Variants in NEDD4L observed in about 807,000 individuals in gnomAD.
NEDD4L encodes E3 ubiquitin-protein ligase NEDD4-like.
Under a neutral mutation model 148.9 loss-of-function variants are expected in NEDD4L, and 54 were observed. The observed-to-expected ratio is 0.36, with a 90% CI of 0.29 to 0.45. The LOEUF (loss-of-function observed/expected upper bound fraction) is 0.45. Ranked by LOEUF, NEDD4L falls within the 20% of genes least tolerant of loss-of-function variation. The probability of loss-of-function intolerance (pLI) is 1.00; values close to 1 mark genes in which losing one functional copy is unlikely to be tolerated. For missense variants in NEDD4L, 856 were observed against 1,233.8 expected (o/e 0.69, Z 4.59); for synonymous variants, 433 against 440.7 (o/e 0.98, Z 0.22).
intron 5 of NEDD4L, among the ~76,000 whole-genome samples, chr18:58,260,026 A>AAT (rs1223965680): frequency 2.0e-5 from 3 of 152,172 alleles, no homozygotes; most frequent in African/African-American, 7.2e-5. Flanking sequence ...AAATAACTCG[A>AAT]GTATCCAATG....
At chr18:58,240,342 C>T (rs573532681) in intron 2 of NEDD4L, among the ~76,000 whole-genome samples, 9 of 152,240 alleles carry the variant, frequency 5.9e-5, no homozygotes, top group South Asian at 2.1e-4. Flanking sequence ...CCAACCTTGA[C>T]GTGGATTTGG....
At chr18:58,358,457 C>G (rs1321409509) in intron 19 of NEDD4L, among the ~76,000 whole-genome samples, 1 of 152,118 alleles carries the variant, frequency 6.6e-6, no homozygotes, top group Non-Finnish European at 1.5e-5. Flanking sequence ...ATTCAAGAAA[C>G]TATTCTTTTT....
At chr18:58,072,436 C>T (rs1004066637) in intron 1 of NEDD4L, among the ~76,000 whole-genome samples, 6 of 152,146 alleles carry the variant, frequency 3.9e-5, no homozygotes, top group African/African-American at 1.4e-4. Context: ...CATACCAAAA[C>T]CACTCAATGT....
intron 5 of NEDD4L, among the ~76,000 whole-genome samples, chr18:58,303,813 C>G (rs2056767849): frequency 1.3e-5 from 2 of 152,220 alleles, no homozygotes; most frequent in Admixed American, 6.5e-5. Flanking sequence ...GGAAGAGATT[C>G]TGGTTGAAAT....
chr18:58,317,391 G>A (rs575134531), intron 6 of NEDD4L, among the ~76,000 whole-genome samples: 7 of 152,270 alleles, frequency 4.6e-5, no homozygotes, highest in South Asian at 2.1e-4. Flanking sequence ...CTGAAGCTGC[G>A]ATCCTCTCAC....
chr18:58,101,132 T>C (rs73440852), intron 1 of NEDD4L, among the ~76,000 whole-genome samples: 14,237 of 152,214 alleles, frequency 0.094, 720 homozygotes, highest in Non-Finnish European at 0.11. Flanking sequence ...GATTATGGGT[T>C]ATGGAAGTTT....
chr18:58,135,190 C>A (rs2032699090), intron 1 of NEDD4L, among the ~76,000 whole-genome samples: 2 of 151,866 alleles, frequency 1.3e-5, no homozygotes, highest in South Asian at 4.2e-4. Context: ...TGAAACAGTA[C>A]ACGATGAATG....
chr18:58,133,358 A>G (rs4941336), intron 1 of NEDD4L, among the ~76,000 whole-genome samples: 46,977 of 152,104 alleles, frequency 0.31, 7,559 homozygotes, highest in Non-Finnish European at 0.36. Context: ...TAGCCCCACA[A>G]TGAATCTTGC....
At chr18:58,103,017 A>G (rs866122011) in intron 1 of NEDD4L, among the ~76,000 whole-genome samples, 1 of 151,944 alleles carries the variant, frequency 6.6e-6, no homozygotes, top group Non-Finnish European at 1.5e-5. Flanking sequence ...CTGGCTTATT[A>G]TCTGTGCTGG....
At position 58,256,235 on chromosome 18, in the gene NEDD4L, G is replaced by A. The variant is rs1446959550; in HGVS notation, c.297+4181G>A. ...GCGCATCCAGCACCGCGCCTCCAGCGCCGACGTGCGCCAGGTGAGGCTGCT... is the reference window on the plus strand; with the variant it reads ...GCGCATCCAGCACCGCGCCTCCAGCACCGACGTGCGCCAGGTGAGGCTGCT... On this transcript the variant is annotated intron_variant, in intron 5 of 30. Transcript: ENST00000400345. This position sits in a 1 kb window ranked among gnomAD's most constrained non-coding sequence, Gnocchi z 5.2. The A allele has an allele frequency of 1.3e-4, 159 of 1,228,190 alleles. No homozygotes were observed. The highest frequency in any genetic ancestry group is 1.2e-3 in the Middle Eastern group (4 of 3,210). 76.1% of individuals were successfully genotyped at this position (1,228,190 alleles called of 1,614,324 possible). A position where few individuals can be genotyped will look rare whatever the true frequency, so the allele number is the denominator to read the frequency against.
At chr18:58,255,483 G>A in intron 5 of NEDD4L, 1 of 1,229,388 alleles carries the variant, frequency 8.1e-7, no homozygotes, top group Non-Finnish European at 1.0e-6. Flanking sequence ...CTTGCCACTT[G>A]GGTTATTTCT....
At chr18:58,240,210 G>A (rs1332602606) in intron 2 of NEDD4L, among the ~76,000 whole-genome samples, 2 of 151,866 alleles carry the variant, frequency 1.3e-5, no homozygotes, top group African/African-American at 4.8e-5. Flanking sequence ...ATGTGACAGT[G>A]AGGTGTCTTA....
chr18:58,121,125 A>G (rs564695245), intron 1 of NEDD4L, among the ~76,000 whole-genome samples: 1 of 152,186 alleles, frequency 6.6e-6, no homozygotes, highest in South Asian at 2.1e-4. Context: ...GGGAGAACAG[A>G]GTGTAGAATG....
intron 2 of NEDD4L, among the ~76,000 whole-genome samples, chr18:58,182,324 C>G (rs999234757): frequency 2.6e-5 from 4 of 151,806 alleles, no homozygotes; most frequent in Non-Finnish European, 4.4e-5. Context: ...TTACAAATAC[C>G]AACAAAAACC....
chr18:58,188,564 A>G (rs947482825), intron 2 of NEDD4L, among the ~76,000 whole-genome samples: 6 of 152,236 alleles, frequency 3.9e-5, no homozygotes, highest in African/African-American at 1.4e-4. Flanking sequence ...CCTGTATTCC[A>G]GTGTGCCGTG....
intron 1 of NEDD4L, among the ~76,000 whole-genome samples, chr18:58,120,641 G>A (rs1338588344): frequency 3.3e-5 from 5 of 152,264 alleles, no homozygotes; most frequent in Middle Eastern, 3.4e-3. Flanking sequence ...TTAGCCAGGC[G>A]TGGTGGCGGG....
At chr18:58,165,618 G>A in intron 1 of NEDD4L, 170 bp from the exon 2 acceptor site, 1 of 1,494,242 alleles carries the variant, frequency 6.7e-7, no homozygotes, top group Non-Finnish European at 8.9e-7. Context: ...TTTAGAGCTG[G>A]AATATTGCTT....
intron 2 of NEDD4L, among the ~76,000 whole-genome samples, chr18:58,178,653 C>G (rs1279148955): frequency 6.6e-6 from 1 of 152,166 alleles, no homozygotes; most frequent in East Asian, 1.9e-4. Flanking sequence ...ATTGGCATTC[C>G]TACTGTATAA....
intron 2 of NEDD4L, among the ~76,000 whole-genome samples, chr18:58,191,141 A>G (rs1261610595): frequency 1.3e-5 from 2 of 152,222 alleles, no homozygotes; most frequent in East Asian, 3.8e-4. Context: ...TAAGAAAGAA[A>G]AAACAAAAAC....
Sources: gnomAD v4.1 joint callset for allele counts (sites outside exome capture counted in the v4.1 genomes callset) on GRCh38, gnomAD v4.1.1 for gene constraint, Gnocchi (gnomAD v3.1) non-coding constraint, MANE v1.5 for transcripts, NCBI Gene and HGNC (gene_info 2026-07-23, HGNC 2026-07-21) for gene names.